Variants in TBC1D10C observed in about 807,000 individuals in gnomAD.
TBC1D10C encodes carabin.
Under a neutral mutation model 51.0 loss-of-function variants are expected in TBC1D10C, and 49 were observed. The ratio of observed to expected loss-of-function variants is 0.96; its 90% CI spans 0.76 to 1.22. TBC1D10C has a LOEUF of 1.22. TBC1D10C is among the 50% of genes most tolerant of loss of function. TBC1D10C has a pLI of 0.00. For missense variants in TBC1D10C, 541 were observed against 617.5 expected (o/e 0.88, Z 1.31); for synonymous variants, 281 against 266.7 (o/e 1.05, Z -0.52).
Position 67,409,846 on chromosome 11 carries a change from G to A in TBC1D10C, c.*92G>A, listed in dbSNP as rs1056447117. 9.4e-6 allele frequency: 11 copies of A among 1,174,850 alleles called. No homozygotes were observed. The highest frequency in any genetic ancestry group is 2.1e-4 in the Middle Eastern group (1 of 4,674). 72.8% of individuals were successfully genotyped at this position (1,174,850 alleles called of 1,614,324 possible). A position where few individuals can be genotyped will look rare whatever the true frequency, so the allele number is the denominator to read the frequency against. On this transcript the variant is annotated 3_prime_UTR_variant, in exon 9 of 9. Coordinates refer to ENST00000542590, the MANE Select transcript of TBC1D10C (RefSeq NM_001369496.1). ...GCACCGCACTTTACTCTTGGGACTC[G>A]GGGACTTGGCTTCCTTCCTGGCAAG... is the stretch of plus-strand genomic sequence containing the variant.
In TBC1D10C at chr11:67,409,147, C is replaced by G. The variant is rs375692810; in HGVS notation, c.993+14C>G. 1 of 1,578,952 alleles carries G rather than the reference C, an allele frequency of 6.3e-7. No homozygotes were observed. ...TTCATGTCACAGGTGGGTACCCCCA[C>G]CTCTCCTTGGACTTGCCCAGCCCCT... On this transcript the variant is annotated intron_variant, in intron 8 of 8. Transcript: ENST00000542590.
rs1402306861 is a variant in TBC1D10C at position 67,405,672 on chromosome 11, C to T, written c.438C>T (p.His146=). The T allele has an allele frequency of 6.2e-6, 10 of 1,613,798 alleles. No individual in the cohort carries two copies. The highest frequency in any genetic ancestry group is 2.2e-5 in the East Asian group (1 of 44,890). ...ACCTGCACCGTCAATTCCCTCTGCA[C>T]GAGATGTTTGTGTCGCCTCAGGGCC... ...GRDLHRQFPL[H]EMFVSPQGHG... Residue 146 remains histidine, a synonymous_variant, in exon 4 of 9, where the codon CAC becomes CAT. Transcript: ENST00000542590.
Position 67,406,715 on chromosome 11 carries a change from G to C in TBC1D10C, c.648+23G>C, listed in dbSNP as rs1177244591. On this transcript the variant is annotated intron_variant, in intron 6 of 8. Transcript: ENST00000542590. ...ATGGTGAGAGGCTGACATGGGGGCT[G>C]GAGGAAGGAGGGGCAGGGGCCCGGT... 2.5e-6 allele frequency: 4 copies of C among 1,576,958 alleles called. No homozygotes were observed. In the African/African-American group the frequency reaches 5.4e-5, roughly 21 times the overall value.
Position 67,404,229 on chromosome 11 carries a change from G to T in TBC1D10C, c.27G>T (p.Leu9=), listed in dbSNP as rs770773372. 6.3e-7 allele frequency: 1 copy of T among 1,578,136 alleles called. No homozygotes were observed. Among genetic ancestry groups the T allele is most frequent in the Non-Finnish European group, 8.6e-7 (1 of 1,157,544 alleles). ...TGGCCCAGGCCCTGGGGGAGGACCTGGTGCAGCCTCCCGAGCTGCAGGATG... is the reference window on the plus strand; with the variant it reads ...TGGCCCAGGCCCTGGGGGAGGACCTTGTGCAGCCTCCCGAGCTGCAGGATG... MAQALGED[L]VQPPELQDDS... Residue 9 remains leucine (L), a synonymous_variant, in exon 1 of 9, where the codon CTG becomes CTT. Coordinates refer to ENST00000542590, the MANE Select transcript of TBC1D10C (RefSeq NM_001369496.1).
rs749097219 is a variant in TBC1D10C at position 67,409,703 on chromosome 11, GC to G, written c.1296del (p.Arg433GlyfsTer121). The G allele has an allele frequency of 9.4e-6, 15 of 1,589,318 alleles. No individual in the cohort carries two copies. Among genetic ancestry groups the G allele is most frequent in the South Asian group, 1.1e-5 (1 of 89,664 alleles). On this transcript the variant is annotated frameshift_variant, in exon 9 of 9. Transcript: ENST00000542590. LOFTEE classifies it high-confidence loss of function. ...GGGCCCGGGGCCCCCCCATCGAGGG[GC>G]CCCCCAGGCCCCAACGAGGCTCCAC... is the stretch of plus-strand genomic sequence containing the variant. ...TRARGPPIEG[P>X]PRPQRGSTSF...
rs1863355550 is a variant in TBC1D10C, at chr11:67,409,510, TCC to T, written c.1098_1099del (p.Arg367ProfsTer9). The T allele has an allele frequency of 1.3e-6, 2 of 1,548,266 alleles. No individual in the cohort carries two copies. Among genetic ancestry groups the T allele is most frequent in the Non-Finnish European group, 1.7e-6 (2 of 1,146,272 alleles). ...CCGGGACCCCCGCCCCGGCCACAGG[TCC>T]GCCTCGCCGGGGCCCAAGCCATCTT... On this transcript the variant is annotated frameshift_variant, in exon 9 of 9. Transcript: ENST00000542590. LOFTEE classifies it high-confidence loss of function.
At position 67,406,678 on chromosome 11, in the gene TBC1D10C, T is replaced by C; in HGVS notation, c.634T>C (p.Tyr212His). ...CTGTGAGGTCTACCTCCCTGGGTACTACGGGCCCCACATGGTGAGAGGCTG... is the reference window on the plus strand; with the variant it reads ...CTGTGAGGTCTACCTCCCTGGGTACCACGGGCCCCACATGGTGAGAGGCTG... Reference protein sequence around the residue: ...QICEVYLPGYYGPHMEAVRLD... With the variant: ...QICEVYLPGYHGPHMEAVRLD... The change falls in exon 6 of 9, where the codon TAC becomes CAC. Residue 212 changes from tyrosine (Y) to histidine (H), a missense_variant. Coordinates refer to ENST00000542590, the MANE Select transcript of TBC1D10C (RefSeq NM_001369496.1). The C allele has an allele frequency of 6.3e-7, 1 of 1,577,698 alleles. No individual in the cohort carries two copies. Among genetic ancestry groups the C allele is most frequent in the Non-Finnish European group, 8.6e-7 (1 of 1,161,254 alleles).
chr11:67,409,173 G>A, intron 8 of TBC1D10C, 40 bp downstream of exon 8: 1 of 1,541,960 alleles, frequency 6.5e-7, no homozygotes, highest in Non-Finnish European at 8.7e-7. Context: ...CCCAGCCCCT[G>A]CTGCACGGGG....
Position 67,405,907 on chromosome 11 carries a change from C to G in TBC1D10C, c.472C>G (p.Gln158Glu). 6.3e-7 allele frequency: 1 copy of G among 1,590,838 alleles called. No homozygotes were observed. Among genetic ancestry groups the G allele is most frequent in the Non-Finnish European group, 8.5e-7 (1 of 1,169,624 alleles). Residue 158 changes from glutamine (Q) to glutamate (E), a missense_variant, in exon 5 of 9, where the codon CAG becomes GAG. By Grantham distance (29) the Gln-to-Glu change is conservative. Coordinates refer to ENST00000542590, the MANE Select transcript of TBC1D10C (RefSeq NM_001369496.1). The stretch of plus-strand genomic sequence containing the variant: ...TTATGGGGTCTTCCGGCACAGGCAG[C>G]AGGGGCTCCTGCAGGTGCTCAAGGC... ...MFVSPQGHGQ[Q>E]GLLQVLKAYT...
Position 67,409,772 on chromosome 11 carries a change from T to C in TBC1D10C, c.*18T>C, listed in dbSNP as rs578088624. On this transcript the variant is annotated 3_prime_UTR_variant, in exon 9 of 9. Coordinates refer to ENST00000542590, the MANE Select transcript of TBC1D10C (RefSeq NM_001369496.1). The stretch of plus-strand genomic sequence containing the variant: ...GCTTCTGAGAGGACCATGGACTTAG[T>C]GTCCCCCAGTCTCAATTGCCTGATG... 2.7e-5 allele frequency: 42 copies of C among 1,551,688 alleles called. No individual in the cohort carries two copies. Among genetic ancestry groups the C allele is most frequent in the Non-Finnish European group, 3.4e-5 (39 of 1,159,924 alleles).
Position 67,405,374 on chromosome 11 carries a change from G to A in TBC1D10C, c.253-25G>A, listed in dbSNP as rs372422669. 3.1e-6 allele frequency: 5 copies of A among 1,609,222 alleles called. No homozygotes were observed. The East Asian group carries it at 1.1e-4, about 36-fold the overall frequency. ...CAGCAGGAGCTATGGAGGCTGCCTA[G>A]TGGAGCCCTTGGCCTCACCCACAGG... On this transcript the variant is annotated intron_variant, in intron 2 of 8. Transcript: ENST00000542590.
At chr11:67,404,019 G>T (rs1863035871), upstream of TBC1D10C, 6 of 666,598 alleles carry the variant, frequency 9.0e-6, no homozygotes, top group Non-Finnish European at 1.1e-5. Context: ...CAGAGGCCTG[G>T]CTTTTCTGTC....
chr11:67,408,828 C>A, intron 7 of TBC1D10C, 151 bp from the exon 8 acceptor site: 1 of 1,067,650 alleles, frequency 9.4e-7, no homozygotes. Context: ...CCTGTGTTAC[C>A]CGAAATGCAA....
At position 67,404,239 on chromosome 11, in the gene TBC1D10C, C is replaced by T. The variant is rs1863046893; in HGVS notation, c.37C>T (p.Pro13Ser). 6 of 1,586,140 alleles carry T rather than the reference C, an allele frequency of 3.8e-6. No homozygotes were observed. The highest frequency in any genetic ancestry group is 5.2e-6 in the Non-Finnish European group (6 of 1,162,060). ...QALGEDLVQP[P>S]ELQDDSSSLG... is the part of the protein sequence containing the mutation. ...CCTGGGGGAGGACCTGGTGCAGCCT[C>T]CCGAGCTGCAGGATGACTCCAGCTC... Residue 13 changes from proline to serine, a missense_variant, in exon 1 of 9, where the codon CCC becomes TCC. Coordinates refer to ENST00000542590, the MANE Select transcript of TBC1D10C (RefSeq NM_001369496.1).
chr11:67,409,294 C>T (rs1863338046), intron 8 of TBC1D10C, 113 bp from the exon 9 acceptor site: 5 of 1,390,602 alleles, frequency 3.6e-6, no homozygotes, highest in Non-Finnish European at 4.8e-6. Flanking sequence ...TCTGTGGCTC[C>T]CCAGTGAGGC....
At chr11:67,408,580 C>T (rs908586097) in intron 7 of TBC1D10C, 1 of 171,248 alleles carries the variant, frequency 5.8e-6, no homozygotes, top group African/African-American at 2.4e-5. Context: ...GCTGGGTGAT[C>T]ATAGCACATG....
chr11:67,406,368 C>T (rs1565127006), intron 5 of TBC1D10C: 1 of 553,666 alleles, frequency 1.8e-6, no homozygotes, highest in South Asian at 2.5e-5. Context: ...CAGTGAACCC[C>T]AACCCTGTGA....
At chr11:67,404,906 A>G in intron 1 of TBC1D10C, 179 bp from the exon 2 acceptor site, 1 of 595,352 alleles carries the variant, frequency 1.7e-6, no homozygotes, top group East Asian at 2.8e-5. Flanking sequence ...CGTCGGAGCC[A>G]CATCCTTTCC....
At chr11:67,404,736 ACAGACCCAGACT>A (rs1863071718) in intron 1 of TBC1D10C, among the ~76,000 whole-genome samples, 1 of 152,114 alleles carries the variant, frequency 6.6e-6, no homozygotes, top group Non-Finnish European at 1.5e-5. Flanking sequence ...CAGATCAGAC[ACAGACCCAGACT>A]CAAACTCAGG....
Sources: allele counts gnomAD v4.1 joint callset (sites outside exome capture counted in the v4.1 genomes callset), GRCh38; gene constraint gnomAD v4.1.1; transcripts MANE v1.5; gene names NCBI Gene and HGNC (gene_info 2026-07-23, HGNC 2026-07-21).